ROBO2: variants seen among roughly 807,000 people sequenced by gnomAD.
The protein encoded by ROBO2 is roundabout homolog 2.
Under a neutral mutation model 160.8 loss-of-function variants are expected in ROBO2, and 53 were observed. The observed-to-expected ratio is 0.33, with a 90% confidence interval of 0.26 to 0.41. The LOEUF (loss-of-function observed/expected upper bound fraction) is 0.41. Ranked by LOEUF, ROBO2 falls within the 10% of genes least tolerant of loss-of-function variation. The pLI, the probability that ROBO2 is intolerant of heterozygous loss-of-function variation, is 1.00. For synonymous variants in ROBO2, 664 were observed against 611.7 expected (o/e 1.09, Z -1.26); for missense variants, 1,577 against 1,722.4 (o/e 0.92, Z 1.49).
At chr3:76,933,787 G>A (rs745305812) in intron 2 of ROBO2, among the ~76,000 whole-genome samples, 38 of 152,272 alleles carry the variant, frequency 2.5e-4, no homozygotes, top group Non-Finnish European at 4.4e-4. Context: ...GAATAGATGT[G>A]CAGTTGAGCT....
At position 77,077,784 on chromosome 3, in the gene ROBO2, G is replaced by C. The variant is rs1272484079; in HGVS notation, c.62-20230G>C. 3.9e-5 allele frequency among the ~76,000 whole-genome samples: 6 copies of C among 152,190 alleles called. No individual in the cohort carries two copies. The South Asian group carries it at 6.2e-4, about 16-fold the overall frequency. Reference sequence around the variant, plus strand: ...TTTGCTGTAACAGAGGTGTGGAATAGATAGGAGTCTTGGAGTGTACTGGTG... The same window carrying C: ...TTTGCTGTAACAGAGGTGTGGAATACATAGGAGTCTTGGAGTGTACTGGTG... On this transcript the variant is annotated intron_variant, in intron 1 of 25. Coordinates refer to ENST00000461745, the Ensembl canonical transcript of ROBO2.
intron 2 of ROBO2, among the ~76,000 whole-genome samples, chr3:76,939,835 C>A (rs2078039541): frequency 6.6e-6 from 1 of 152,148 alleles, no homozygotes; most frequent in Non-Finnish European, 1.5e-5. Context: ...CCTTTATGCA[C>A]CACAACTAGT....
intron 2 of ROBO2, among the ~76,000 whole-genome samples, chr3:76,054,959 A>G (rs1399571136): frequency 1.3e-5 from 2 of 152,182 alleles, no homozygotes; most frequent in African/African-American, 4.8e-5. Flanking sequence ...AGGGCAGTGT[A>G]TTAGTCTGTT....
intron 2 of ROBO2, among the ~76,000 whole-genome samples, chr3:76,667,609 C>G (rs1037538152): frequency 1.4e-5 from 2 of 146,232 alleles, no homozygotes; most frequent in Non-Finnish European, 3.0e-5. Flanking sequence ...TTTAATTGAA[C>G]ATTAATGATT....
At chr3:77,557,892 C>T in intron 8 of ROBO2, 52 bp from the exon 10 acceptor site, 1 of 1,400,042 alleles carries the variant, frequency 7.1e-7, no homozygotes. Flanking sequence ...ATATATCAAG[C>T]CTACTGAACT....
At chr3:77,282,981 C>A (rs576780314) in intron 2 of ROBO2, among the ~76,000 whole-genome samples, 110 of 148,504 alleles carry the variant, frequency 7.4e-4, no homozygotes, top group Non-Finnish European at 1.3e-3. Context: ...AAAATATTTG[C>A]TGATATAAAC....
chr3:76,639,780 A>G (rs1322001525), intron 2 of ROBO2, among the ~76,000 whole-genome samples: 2 of 152,192 alleles, frequency 1.3e-5, no homozygotes, highest in African/African-American at 4.8e-5. Flanking sequence ...CTTTTTGTCC[A>G]CTACCACACC....
chr3:76,366,599 G>A (rs956692829), intron 2 of ROBO2, among the ~76,000 whole-genome samples: 9 of 151,896 alleles, frequency 5.9e-5, no homozygotes, highest in Non-Finnish European at 1.0e-4. Flanking sequence ...TGTTAAAATT[G>A]CTTACATAAG....
chr3:76,619,497 T>G (rs908224035), intron 2 of ROBO2, among the ~76,000 whole-genome samples: 1 of 152,242 alleles, frequency 6.6e-6, no homozygotes, highest in Admixed American at 6.5e-5. Context: ...GTTCTCCAGT[T>G]TGATAGAGCC....
intron 2 of ROBO2, among the ~76,000 whole-genome samples, chr3:77,219,120 C>T (rs796291031): frequency 3.9e-5 from 6 of 151,904 alleles, no homozygotes; most frequent in African/African-American, 1.4e-4. Context: ...AGGTGCCTAC[C>T]AGCACGCCCC....
At chr3:76,388,035 A>C (rs1211600742) in intron 2 of ROBO2, among the ~76,000 whole-genome samples, 1 of 152,162 alleles carries the variant, frequency 6.6e-6, no homozygotes, top group Non-Finnish European at 1.5e-5. Context: ...GTCAGTTAAG[A>C]GTTTCTTCCG....
chr3:77,142,081 C>G (rs1488443431), intron 2 of ROBO2, among the ~76,000 whole-genome samples: 1 of 152,144 alleles, frequency 6.6e-6, no homozygotes, highest in African/African-American at 2.4e-5. Context: ...AAAAACCTCT[C>G]TCTCTGTTTC....
intron 2 of ROBO2, among the ~76,000 whole-genome samples, chr3:76,950,522 T>A (rs910675503): frequency 7.2e-5 from 11 of 152,302 alleles, no homozygotes; most frequent in African/African-American, 2.2e-4. Flanking sequence ...TAAGGTAAAT[T>A]ATTAGAAAAT....
At chr3:76,160,138 G>A (rs1312324246) in intron 2 of ROBO2, among the ~76,000 whole-genome samples, 3 of 152,010 alleles carry the variant, frequency 2.0e-5, no homozygotes, top group South Asian at 4.1e-4. Flanking sequence ...AAAATGGCTT[G>A]AGCATCGCAA....
chr3:76,604,266 C>T (rs2087466577), intron 2 of ROBO2, among the ~76,000 whole-genome samples: 1 of 152,042 alleles, frequency 6.6e-6, no homozygotes, highest in Non-Finnish European at 1.5e-5. Flanking sequence ...AGTTTTTGGA[C>T]TTAAGAAGCA....
upstream of ROBO2, among the ~76,000 whole-genome samples, chr3:77,036,720 G>T (rs2063657037): frequency 6.6e-6 from 1 of 151,820 alleles, no homozygotes; most frequent in Non-Finnish European, 1.5e-5. Flanking sequence ...GTTTGGAAAA[G>T]AAAAAAACAA....
At chr3:76,375,910 T>C (rs2076322705) in intron 2 of ROBO2, among the ~76,000 whole-genome samples, 2 of 152,086 alleles carry the variant, frequency 1.3e-5, no homozygotes, top group African/African-American at 2.4e-5. Context: ...TAGCACATGC[T>C]CTGATCCTTC....
At chr3:77,481,810 T>A (rs1279091043) in intron 4 of ROBO2, among the ~76,000 whole-genome samples, 2 of 152,120 alleles carry the variant, frequency 1.3e-5, no homozygotes, top group Non-Finnish European at 2.9e-5. Context: ...ATTAATAGGT[T>A]AAAAACTGAC....
intron 2 of ROBO2, among the ~76,000 whole-genome samples, chr3:77,463,509 C>G (rs1304610010): frequency 6.6e-6 from 1 of 151,786 alleles, no homozygotes; most frequent in Non-Finnish European, 1.5e-5. Context: ...TTGATTGACC[C>G]CAAGACATTA....
Sources: allele counts gnomAD v4.1 joint callset (sites outside exome capture counted in the v4.1 genomes callset), GRCh38; gene constraint gnomAD v4.1.1; transcripts MANE v1.5; gene names NCBI Gene and HGNC (gene_info 2026-07-23, HGNC 2026-07-21).